The following PRIM2 variants were observed in gnomAD, a reference collection of about 807,000 sequenced individuals.
PRIM2 encodes the protein DNA primase subunit 2.
Under a neutral mutation model 67.3 loss-of-function variants are expected in PRIM2, and 39 were observed. That is an observed-to-expected ratio of 0.58 (90% CI 0.45 to 0.76). The LOEUF (loss-of-function observed/expected upper bound fraction) is 0.76. Ranked by LOEUF, PRIM2 falls within the 30% of genes least tolerant of loss-of-function variation. The pLI is 0.00. For missense variants in PRIM2, 398 were observed against 598.7 expected (o/e 0.66, Z 3.50); for synonymous variants, 143 against 198.7 (o/e 0.72, Z 2.36).
chr6:57,235,428 C>T, the PRIM2 span, among the ~76,000 whole-genome samples: 5 of 149,980 alleles, frequency 3.3e-5, no homozygotes, highest in East Asian at 4.0e-4. Flanking sequence ...CGCGCCACTG[C>T]GCTCCAGCCT....
the PRIM2 span, among the ~76,000 whole-genome samples, chr6:57,306,416 C>T: frequency 6.6e-6 from 1 of 152,080 alleles, no homozygotes; most frequent in South Asian, 2.1e-4. Context: ...GTCATTATAG[C>T]AAGAGACGAA....
At chr6:57,339,825 G>A (rs1167170698) in intron 5 of PRIM2, among the ~76,000 whole-genome samples, 1 of 152,102 alleles carries the variant, frequency 6.6e-6, no homozygotes, top group Non-Finnish European at 1.5e-5. Context: ...AACACCAAAA[G>A]CAATGGCAAC....
intron 10 of PRIM2, among the ~76,000 whole-genome samples, chr6:57,548,724 G>A (rs1367862345): frequency 2.0e-5 from 3 of 152,056 alleles, no homozygotes. Flanking sequence ...CACACCTGAT[G>A]GATATATGAA....
the PRIM2 span, among the ~76,000 whole-genome samples, chr6:57,227,264 C>A: frequency 1.3e-5 from 2 of 152,188 alleles, no homozygotes; most frequent in African/African-American, 4.8e-5. Context: ...TCTGTTGGAA[C>A]ATTTGTTCAC....
the PRIM2 span, among the ~76,000 whole-genome samples, chr6:57,234,609 C>T: frequency 1.3e-5 from 2 of 149,504 alleles, no homozygotes; most frequent in African/African-American, 2.5e-5. Flanking sequence ...CTGCAACCTC[C>T]GCCTCCCAGG....
the PRIM2 span, among the ~76,000 whole-genome samples, chr6:57,237,574 C>T: frequency 2.6e-5 from 4 of 152,012 alleles, no homozygotes; most frequent in South Asian, 2.1e-4. Flanking sequence ...CTTTAATCCA[C>T]TTTGAATTAA....
chr6:57,580,924 GATA>G (rs1182733466), intron 10 of PRIM2, among the ~76,000 whole-genome samples: 1 of 151,406 alleles, frequency 6.6e-6, no homozygotes, highest in African/African-American at 2.4e-5. Context: ...AAAGTGGCCA[GATA>G]ATGAGTTCTA....
intron 7 of PRIM2, among the ~76,000 whole-genome samples, chr6:57,452,161 AT>A (rs1217208361): frequency 1.3e-5 from 2 of 151,802 alleles, no homozygotes; most frequent in Non-Finnish European, 2.9e-5. Flanking sequence ...TATGTGCCAC[AT>A]TTTCTTTATC....
intron 7 of PRIM2, among the ~76,000 whole-genome samples, chr6:57,414,562 T>G (rs1771197118): frequency 6.6e-6 from 1 of 152,156 alleles, no homozygotes; most frequent in Non-Finnish European, 1.5e-5. Flanking sequence ...CTTAGGAATT[T>G]TTATGTACTT....
chr6:57,228,173 A>G, the PRIM2 span, among the ~76,000 whole-genome samples: 2 of 152,250 alleles, frequency 1.3e-5, no homozygotes, highest in African/African-American at 2.4e-5. Context: ...TCAGATGGTG[A>G]TAAATAAAAA....
chr6:57,564,236 A>G (rs1383321946), intron 10 of PRIM2, among the ~76,000 whole-genome samples: 2 of 152,208 alleles, frequency 1.3e-5, no homozygotes, highest in Non-Finnish European at 2.9e-5. Flanking sequence ...AGTTAAGTTG[A>G]AGGCTGCCAA....
At chr6:57,607,554 TAGG>T (rs1340124944) in intron 12 of PRIM2, among the ~76,000 whole-genome samples, 7 of 152,080 alleles carry the variant, frequency 4.6e-5, no homozygotes, top group African/African-American at 1.7e-4. Flanking sequence ...TGAAAGACTA[TAGG>T]AGTATTAAGA....
chr6:57,546,532 T>C (rs1314399817), intron 10 of PRIM2, among the ~76,000 whole-genome samples: 2 of 152,090 alleles, frequency 1.3e-5, no homozygotes, highest in African/African-American at 4.8e-5. Flanking sequence ...ACTCTTCCAT[T>C]ATTTTCTTTA....
chr6:57,432,898 AT>A (rs1400835369), intron 7 of PRIM2, among the ~76,000 whole-genome samples: 4 of 152,236 alleles, frequency 2.6e-5, no homozygotes, highest in African/African-American at 9.6e-5. Context: ...AAACAGGAAC[AT>A]TTACTAGAAG....
In PRIM2 at chr6:57,318,128, C is replaced by T. The variant is rs543396089; in HGVS notation, c.-9-309C>T. On this transcript the variant is annotated intron_variant, in intron 1 of 13. Transcript: ENST00000615550. ...TCTTGGGATCGTAAAGATCCAAGAA[C>T]AGTGACACACAGGCCTATAATGAGC... Among the ~76,000 whole-genome samples the T allele has an allele frequency of 2.5e-4, 38 of 152,296 alleles. 1 individual carries two copies. Among genetic ancestry groups the T allele is most frequent in the African/African-American group, 8.2e-4 (34 of 41,556 alleles).
chr6:57,379,522 A>G (rs779115130), intron 5 of PRIM2, among the ~76,000 whole-genome samples: 8 of 152,170 alleles, frequency 5.3e-5, no homozygotes, highest in Non-Finnish European at 1.0e-4. Context: ...TCTAACCTCA[A>G]TTAGGATATT....
chr6:57,456,829 G>A (rs1772804272), intron 7 of PRIM2, among the ~76,000 whole-genome samples: 1 of 152,152 alleles, frequency 6.6e-6, no homozygotes, highest in African/African-American at 2.4e-5. Flanking sequence ...TGTTGCTGGT[G>A]AGGAGCTGCG....
chr6:57,374,316 C>T (rs1297501765), intron 5 of PRIM2, among the ~76,000 whole-genome samples: 13 of 72,642 alleles, frequency 1.8e-4, no homozygotes, highest in South Asian at 1.5e-3. Context: ...TTTTTTGAGA[C>T]GGAGTTTCGC....
chr6:57,292,990 G>A, the PRIM2 span, among the ~76,000 whole-genome samples: 1 of 152,134 alleles, frequency 6.6e-6, no homozygotes, highest in East Asian at 1.9e-4. Flanking sequence ...TTGACAAATG[G>A]GATCTAATTA....
Sources: allele counts gnomAD v4.1 joint callset (sites outside exome capture counted in the v4.1 genomes callset), GRCh38; gene constraint gnomAD v4.1.1; transcripts MANE v1.5; gene names NCBI Gene and HGNC (gene_info 2026-07-23, HGNC 2026-07-21).